TMEM212: variants seen among roughly 807,000 people sequenced by gnomAD.
TMEM212 encodes the protein transmembrane protein 212.
Under a neutral mutation model 20.5 loss-of-function variants are expected in TMEM212, and 23 were observed. The ratio of observed to expected loss-of-function variants is 1.12; its 90% CI spans 0.81 to 1.59. The LOEUF is 1.59. TMEM212 is among the 40% of genes most tolerant of loss of function. The pLI is 0.00. For missense variants in TMEM212, 211 were observed against 215.0 expected, an observed-to-expected ratio of 0.98 and a Z score of 0.12; for synonymous variants, 76 against 81.6, an observed-to-expected ratio of 0.93 and a Z score of 0.37.
intron 1 of TMEM212, among the ~76,000 whole-genome samples, chr3:171,848,716 T>G (rs1724898044): frequency 6.7e-6 from 1 of 148,420 alleles, no homozygotes; most frequent in South Asian, 2.1e-4. Flanking sequence ...TTTGTATATC[T>G]TTTATATGCA....
intron 1 of TMEM212, 50 bp downstream of exon 1, chr3:171,843,592 G>A: frequency 2.1e-6 from 3 of 1,418,788 alleles, no homozygotes; most frequent in Non-Finnish European, 9.4e-7. Context: ...GAAGGTGGGA[G>A]GGAAAGGGAA....
chr3:171,845,565 T>C (rs1724811596), intron 1 of TMEM212, among the ~76,000 whole-genome samples: 1 of 152,230 alleles, frequency 6.6e-6, no homozygotes, highest in Non-Finnish European at 1.5e-5. Context: ...ATTGAATGTA[T>C]TGTTCTAGGC....
chr3:171,849,763 C>A (rs1217672526), intron 1 of TMEM212, among the ~76,000 whole-genome samples: 1 of 152,156 alleles, frequency 6.6e-6, no homozygotes, highest in Admixed American at 6.6e-5. Flanking sequence ...TCTACTTAGG[C>A]AATTTAAAGA....
intron 4 of TMEM212, among the ~76,000 whole-genome samples, chr3:171,857,790 A>G (rs1262988682): frequency 6.6e-6 from 1 of 152,198 alleles, no homozygotes; most frequent in Non-Finnish European, 1.5e-5. Flanking sequence ...AGGTGTTGAG[A>G]AGCTCTTTAA....
At chr3:171,857,915 G>T (rs1458589126) in intron 4 of TMEM212, 146 bp from the exon 5 acceptor site, 1 of 151,518 alleles carries the variant, frequency 6.6e-6, no homozygotes, top group Non-Finnish European at 1.5e-5. Context: ...TGAGGATGTG[G>T]AGAAAAGGGA....
At position 171,859,080 on chromosome 3, in the gene TMEM212, C is replaced by T. The variant is rs989387539; in HGVS notation, c.*1023C>T. 1 of 152,114 alleles carries T rather than the reference C, an allele frequency of 6.6e-6. No homozygotes were observed. The highest frequency in any genetic ancestry group is 1.5e-5 in the Non-Finnish European group (1 of 68,030). The allele number at this position is 152,114 out of a possible 1,614,324, so 9.4% of individuals were successfully genotyped here. On this transcript the variant is annotated 3_prime_UTR_variant, in exon 5 of 5. Transcript: ENST00000334567. The stretch of plus-strand genomic sequence containing the variant: ...AAACCAAACACCACATGTTCTCACT[C>T]ATAGGTGGGAATTGAACAATGGGAA...
At chr3:171,846,084 C>T (rs559761096) in intron 1 of TMEM212, among the ~76,000 whole-genome samples, 3 of 152,168 alleles carry the variant, frequency 2.0e-5, no homozygotes, top group Admixed American at 6.5e-5. Flanking sequence ...ACTTCATCTC[C>T]TACCACTCTT....
chr3:171,848,580 G>GGATAGAATAGAATAGAATAGA (rs147551281), intron 1 of TMEM212, among the ~76,000 whole-genome samples: 2 of 144,632 alleles, frequency 1.4e-5, no homozygotes, highest in Admixed American at 6.9e-5. Flanking sequence ...AATAGAATAG[G>GGATAGAATAGAATAGAATAGA]ATAGAATAGA....
intron 4 of TMEM212, among the ~76,000 whole-genome samples, chr3:171,857,718 C>A (rs1725152875): frequency 6.6e-6 from 1 of 152,034 alleles, no homozygotes. Flanking sequence ...TTAAAATGGG[C>A]AAATGACCTG....
chr3:171,849,879 T>C (rs1316414476), intron 1 of TMEM212, among the ~76,000 whole-genome samples: 3 of 152,092 alleles, frequency 2.0e-5, no homozygotes, highest in South Asian at 2.1e-4. Context: ...GGCAGCAGCA[T>C]GTCAAGGAGA....
rs1243040903 is a variant in TMEM212, at chr3:171,851,967, A to G, written c.160-15A>G. ...TTCTGTGGTGGATGTTTATTTTTCC[A>G]TTTTCTTGTCACAGGCCATCACAAC... On this transcript the variant is annotated splice_polypyrimidine_tract_variant and intron_variant, in intron 1 of 4. Coordinates refer to ENST00000334567, the MANE Select transcript of TMEM212 (RefSeq NM_001164436.2). 1 of 1,536,306 alleles carries G rather than the reference A, an allele frequency of 6.5e-7. No homozygotes were observed. Among genetic ancestry groups the G allele is most frequent in the Admixed American group, 2.0e-5 (1 of 50,948 alleles).
At chr3:171,856,531 A>G (rs1725120934) in intron 3 of TMEM212, 132 bp from the exon 4 acceptor site, 1 of 486,220 alleles carries the variant, frequency 2.1e-6, no homozygotes, top group African/African-American at 2.0e-5. Context: ...CTCCCAACAA[A>G]TACACCCATT....
intron 3 of TMEM212, among the ~76,000 whole-genome samples, chr3:171,855,796 T>A (rs1725101135): frequency 6.6e-6 from 1 of 152,214 alleles, no homozygotes; most frequent in Admixed American, 6.5e-5. Context: ...TAATTTAAAA[T>A]CTTAAAGTCA....
intron 1 of TMEM212, among the ~76,000 whole-genome samples, chr3:171,850,914 C>T (rs1245794446): frequency 6.6e-6 from 1 of 152,004 alleles, no homozygotes; most frequent in East Asian, 1.9e-4. Flanking sequence ...TAAAATATGC[C>T]AGGAAAATGA....
chr3:171,843,995 A>T (rs1378326559), intron 1 of TMEM212, among the ~76,000 whole-genome samples: 4 of 152,212 alleles, frequency 2.6e-5, no homozygotes, highest in African/African-American at 4.8e-5. Flanking sequence ...CAAACCCCAA[A>T]TATTTGTTTT....
At chr3:171,847,285 A>T (rs1724854258) in intron 1 of TMEM212, among the ~76,000 whole-genome samples, 1 of 152,258 alleles carries the variant, frequency 6.6e-6, no homozygotes, top group African/African-American at 2.4e-5. Flanking sequence ...TGAGGGCTGG[A>T]CAGCCCAGTG....
Position 171,853,563 on chromosome 3 carries a change from A to G in TMEM212, c.256A>G (p.Met86Val), listed in dbSNP as rs1489033021. Reference protein sequence around the residue: ...ATFTFVILSIMGCPLHFAIAL... With the variant: ...ATFTFVILSIVGCPLHFAIAL... ...TTTCACCTTTGTGATTCTGAGCATT[A>G]TGGGATGTCCACTTCATTTTGCAAT... is the stretch of plus-strand genomic sequence containing the variant. The change falls in exon 3 of 5, where the codon ATG (methionine) becomes GTG (valine). Residue 86 changes from methionine to valine, a missense_variant. Coordinates refer to ENST00000334567, the MANE Select transcript of TMEM212 (RefSeq NM_001164436.2). 6.5e-7 allele frequency: 1 copy of G among 1,537,144 alleles called. No individual in the cohort carries two copies.
chr3:171,853,446 C>T, intron 2 of TMEM212, 81 bp from the exon 3 acceptor site: 9 of 1,221,412 alleles, frequency 7.4e-6, no homozygotes, highest in East Asian at 2.6e-5. Flanking sequence ...GCCAGCATCT[C>T]TTTTATTTTC....
rs1304246477 is a variant in TMEM212, at chr3:171,858,704, A to AGGTGTTG, written c.*647_*648insGGTGTTG. The AGGTGTTG allele has an allele frequency of 8.6e-4, 131 of 151,864 alleles. No individual in the cohort carries two copies. Among genetic ancestry groups the AGGTGTTG allele is most frequent in the African/African-American group, 2.9e-3 (121 of 41,138 alleles). The allele number at this position is 151,864 out of a possible 1,614,324, so 9.4% of individuals were successfully genotyped here. On this transcript the variant is annotated 3_prime_UTR_variant, in exon 5 of 5. Coordinates refer to ENST00000334567, the MANE Select transcript of TMEM212 (RefSeq NM_001164436.2). ...AAACAGCTAATATCCAGAATCTACA[A>AGGTGTTG]AGAACTTAAACAAATTTACAAGAAA...
Sources: gnomAD v4.1 joint callset for allele counts (sites outside exome capture counted in the v4.1 genomes callset) on GRCh38, gnomAD v4.1.1 for gene constraint, MANE v1.5 for transcripts, NCBI Gene and HGNC (gene_info 2026-07-23, HGNC 2026-07-21) for gene names.